The following CEP192 variants were observed in gnomAD, a reference collection of about 807,000 sequenced individuals.
The protein encoded by CEP192 is centrosomal protein 192.
CEP192 carries 151 observed loss-of-function variants against 271.8 expected under a neutral mutation model. The observed-to-expected ratio is 0.56, with a 90% CI of 0.49 to 0.64. The LOEUF (loss-of-function observed/expected upper bound fraction) is 0.64, where lower values mean the gene tolerates loss of function less well. Among genes scored for constraint, CEP192 ranks in the 30% least tolerant of loss-of-function variants. The pLI, the probability that CEP192 is intolerant of heterozygous loss-of-function variation, is 0.00. For missense variants in CEP192, 2,910 were observed against 3,020.5 expected (o/e 0.96, Z 0.86); for synonymous variants, 995 against 1,076.5 (o/e 0.92, Z 1.48).
In CEP192 at chr18:13,042,275, A is replaced by ACTTCTTCT. The variant is rs781644291; in HGVS notation, c.2008_2009insCTTCTTCT (p.Ser670ThrfsTer13). On this transcript the variant is annotated frameshift_variant, in exon 15 of 45. Transcript: ENST00000506447. LOFTEE classifies it high-confidence loss of function. ...TACACTTCAGGTTGAAGCAGTAGAG[A>ACTTCTTCT]GTACTTCACAAGTGGATGAAAATGA... The ACTTCTTCT allele has an allele frequency of 6.2e-7, 1 of 1,613,744 alleles. No homozygotes were observed.
chr18:13,059,236 C>T lies in CEP192; in HGVS notation c.4412C>T (p.Ala1471Val), dbSNP rs777452693. Reference protein sequence around the residue: ...SVASWPCSTDAETIVQAEALA... With the variant: ...SVASWPCSTDVETIVQAEALA... ...GCTTCTTGGCCATGTTCGACAGATG[C>T]TGAGACCATCGTACAGGCAGAAGCT... The change falls in exon 21 of 45, where the codon GCT becomes GTT. Residue 1471 changes from alanine to valine, a missense_variant. By Grantham distance (64) the Ala-to-Val change is moderately conservative (BLOSUM62 0). Transcript: ENST00000506447. 8 of 1,614,166 alleles carry T rather than the reference C, an allele frequency of 5.0e-6. No homozygotes were observed. The South Asian group carries it at 8.8e-5, about 18-fold the overall frequency.
intron 15 of CEP192, among the ~76,000 whole-genome samples, chr18:13,045,316 T>C (rs1009483518): frequency 1.2e-4 from 18 of 152,348 alleles, no homozygotes; most frequent in African/African-American, 4.3e-4. Flanking sequence ...CTTATTTTTC[T>C]GCCTTCCTGC....
intron 11 of CEP192, among the ~76,000 whole-genome samples, chr18:13,032,292 T>C (rs573803381): frequency 1.3e-5 from 2 of 152,252 alleles, no homozygotes; most frequent in Non-Finnish European, 2.9e-5. Flanking sequence ...GAGGAGGGTC[T>C]GTGGTCTGAG....
intron 4 of CEP192, among the ~76,000 whole-genome samples, chr18:13,012,078 C>G (rs1455597508): frequency 6.6e-6 from 1 of 152,122 alleles, no homozygotes; most frequent in Non-Finnish European, 1.5e-5. Context: ...TTCTGTTTAT[C>G]CATAGGGAAA....
intron 28 of CEP192, among the ~76,000 whole-genome samples, chr18:13,072,174 T>C (rs566523192): frequency 1.3e-5 from 2 of 152,352 alleles, no homozygotes; most frequent in African/African-American, 4.8e-5. Flanking sequence ...AACAGAGATT[T>C]ACTCATGTAT....
chr18:13,012,092 A>G (rs2034394172), intron 4 of CEP192, among the ~76,000 whole-genome samples: 1 of 152,236 alleles, frequency 6.6e-6, no homozygotes, highest in Admixed American at 6.5e-5. Context: ...AGGGAAATCT[A>G]TAGATACAGA....
intron 36 of CEP192, among the ~76,000 whole-genome samples, chr18:13,098,433 G>T (rs1229211908): frequency 6.8e-6 from 1 of 147,026 alleles, no homozygotes; most frequent in African/African-American, 2.4e-5. Flanking sequence ...CGGGGCGGCT[G>T]CCGGGCGGAG....
intron 30 of CEP192, among the ~76,000 whole-genome samples, chr18:13,082,869 C>T (rs1413285237): frequency 6.6e-6 from 1 of 152,122 alleles, no homozygotes; most frequent in East Asian, 1.9e-4. Context: ...TTTATTTCTC[C>T]TTCACTTATG....
At position 13,066,073 on chromosome 18, in the gene CEP192, A is replaced by G. The variant is rs113441996; in HGVS notation, c.4489-1758A>G. Among the ~76,000 whole-genome samples the G allele has an allele frequency of 1.4e-3, 219 of 152,316 alleles. 1 individual carries two copies. In the Middle Eastern group the frequency reaches 0.02, roughly 14 times the overall value. ...CAAATAGTTTACTTTCAACATTAAT[A>G]TGTAACTTCAATAATGAGATGTCTA... On this transcript the variant is annotated intron_variant, in intron 21 of 44. Coordinates refer to ENST00000506447, the MANE Select transcript of CEP192 (RefSeq NM_032142.4).
chr18:13,038,459 A>G lies in CEP192; in HGVS notation c.1689A>G (p.Ser563=). ...ATINYSLLRK[S]RSTSDLDKDD... ...TTAATTACAGTCTGTTGAGGAAATC[A>G]CGTAGCACATCAGATTTGGATAAAG... is the stretch of plus-strand genomic sequence containing the variant. Residue 563 remains serine (S), a synonymous_variant, in exon 13 of 45, where the codon TCA becomes TCG. Transcript: ENST00000506447. The G allele has an allele frequency of 6.4e-7, 1 of 1,551,618 alleles. No homozygotes were observed.
At chr18:13,110,794 CTT>C (rs1386497379) in intron 40 of CEP192, among the ~76,000 whole-genome samples, 3 of 152,212 alleles carry the variant, frequency 2.0e-5, no homozygotes, top group African/African-American at 7.2e-5. Context: ...TGGCCAAACA[CTT>C]ATGTAAATCC....
intron 27 of CEP192, 35 bp downstream of exon 27, chr18:13,069,891 T>C (rs1568370405): frequency 7.9e-7 from 1 of 1,271,198 alleles, no homozygotes. Context: ...CCGGGCACAG[T>C]GGCTCATGCC....
intron 3 of CEP192, among the ~76,000 whole-genome samples, chr18:13,006,847 C>T (rs1412629295): frequency 3.3e-5 from 5 of 152,170 alleles, no homozygotes; most frequent in East Asian, 1.9e-4. Flanking sequence ...GCCATCGCTT[C>T]GTTCTCCACA....
At chr18:13,104,545 G>A (rs189622870) in intron 39 of CEP192, among the ~76,000 whole-genome samples, 5 of 152,256 alleles carry the variant, frequency 3.3e-5, no homozygotes, top group East Asian at 3.9e-4. Flanking sequence ...CCAGGAGGTC[G>A]AGGCTGCAGT....
At chr18:13,057,768 GTTGCA>G in intron 20 of CEP192, 35 bp downstream of exon 20, 1 of 1,598,754 alleles carries the variant, frequency 6.3e-7, no homozygotes. Context: ...TAACCTAACA[GTTGCA>G]TTGTGATTAG....
chr18:13,069,696 T>A, intron 26 of CEP192, 42 bp from the exon 27 acceptor site: 1 of 1,215,588 alleles, frequency 8.2e-7, no homozygotes, highest in East Asian at 2.3e-5. Flanking sequence ...AACTGCGTTT[T>A]TGTAAGTCGG....
Position 13,069,150 on chromosome 18 carries a change from C to T in CEP192, c.5024C>T (p.Ala1675Val). ...AAGCAGCACTTACCTTTGAAAAATGCTGGGAACATTGAAGTTTATTTGGAT... is the reference window on the plus strand; with the variant it reads ...AAGCAGCACTTACCTTTGAAAAATGTTGGGAACATTGAAGTTTATTTGGAT... ...SRKQHLPLKN[A>V]GNIEVYLDIK... The change falls in exon 26 of 45, where the codon GCT (alanine) becomes GTT (valine). Residue 1675 changes from alanine to valine, a missense_variant. Transcript: ENST00000506447. 1 of 1,614,130 alleles carries T rather than the reference C, an allele frequency of 6.2e-7. No homozygotes were observed. The highest frequency in any genetic ancestry group is 1.1e-5 in the South Asian group (1 of 91,084).
intron 21 of CEP192, among the ~76,000 whole-genome samples, chr18:13,065,161 C>A (rs2037626058): frequency 6.7e-6 from 1 of 148,554 alleles, no homozygotes; most frequent in Admixed American, 6.9e-5. Context: ...GTTTTTTAAT[C>A]AGTTCTAATA....
intron 27 of CEP192, among the ~76,000 whole-genome samples, chr18:13,070,370 T>C (rs930338189): frequency 5.3e-5 from 8 of 152,224 alleles, no homozygotes; most frequent in African/African-American, 1.9e-4. Context: ...TCGAAATGAA[T>C]AAATTACTAT....
Sources: gnomAD v4.1 joint callset for allele counts (sites outside exome capture counted in the v4.1 genomes callset) on GRCh38, gnomAD v4.1.1 for gene constraint, MANE v1.5 for transcripts, NCBI Gene and HGNC (gene_info 2026-07-23, HGNC 2026-07-21) for gene names.